Variants in ARHGAP24 observed in about 807,000 individuals in gnomAD.
ARHGAP24 encodes Rho GTPase activating protein 24, also known as rho GTPase-activating protein 24.
Under a neutral mutation model 76.4 loss-of-function variants are expected in ARHGAP24, and 50 were observed. The ratio of observed to expected loss-of-function variants is 0.65; its 90% CI spans 0.52 to 0.83. The LOEUF is 0.83. Among genes scored for constraint, ARHGAP24 ranks in the 40% least tolerant of loss-of-function variants. The pLI is 0.00. For synonymous variants in ARHGAP24, 345 were observed against 323.3 expected (o/e 1.07, Z -0.72); for missense variants, 930 against 914.2 (o/e 1.02, Z -0.22).
intron 3 of ARHGAP24, among the ~76,000 whole-genome samples, chr4:85,740,018 G>T (rs343853): frequency 0.86 from 131,410 of 152,032 alleles, 57,612 homozygotes; most frequent in East Asian, 1. Flanking sequence ...GTTCACGAAT[G>T]TCCACAGATT....
rs550462585 is a variant in ARHGAP24, at chr4:85,997,076, C to T, written c.2003+1419C>T. The stretch of plus-strand genomic sequence containing the variant: ...GCCATTTCAGTGTCACATTCTTACC[C>T]TCATGACAGGCCAAGGGAGAGCTCT... On this transcript the variant is annotated intron_variant, in intron 9 of 9. Coordinates refer to ENST00000395184, the MANE Select transcript of ARHGAP24 (RefSeq NM_001025616.3). 2.6e-5 allele frequency among the ~76,000 whole-genome samples: 4 copies of T among 152,272 alleles called. No individual in the cohort carries two copies. In the South Asian group the frequency reaches 8.3e-4, roughly 32 times the overall value.
At chr4:85,654,950 A>C (rs2109985127) in intron 2 of ARHGAP24, among the ~76,000 whole-genome samples, 1 of 152,340 alleles carries the variant, frequency 6.6e-6, no homozygotes, top group Admixed American at 6.5e-5. Context: ...AGTAGTGATT[A>C]AATTGAATAT....
At chr4:85,500,714 A>G (rs983984113) in intron 1 of ARHGAP24, among the ~76,000 whole-genome samples, 2 of 152,062 alleles carry the variant, frequency 1.3e-5, no homozygotes, top group Non-Finnish European at 2.9e-5. Flanking sequence ...GGGACTCATA[A>G]GACTTTTTTA....
intron 3 of ARHGAP24, among the ~76,000 whole-genome samples, chr4:85,745,411 A>T (rs1478685358): frequency 1.2e-4 from 4 of 34,382 alleles, no homozygotes; most frequent in African/African-American, 2.0e-4. Context: ...ATAGTAGTAT[A>T]TATACATATA....
chr4:85,905,330 C>T (rs554125673), intron 3 of ARHGAP24, among the ~76,000 whole-genome samples: 1 of 152,152 alleles, frequency 6.6e-6, no homozygotes, highest in East Asian at 1.9e-4. Flanking sequence ...TACATTATCC[C>T]ATTTATTACA....
chr4:85,865,154 T>C (rs1297280501), intron 3 of ARHGAP24, among the ~76,000 whole-genome samples: 1 of 152,110 alleles, frequency 6.6e-6, no homozygotes, highest in Non-Finnish European at 1.5e-5. Context: ...TCTTTTTTGT[T>C]GGATGTGTTT....
At chr4:85,546,830 G>A (rs773945571) in intron 1 of ARHGAP24, among the ~76,000 whole-genome samples, 1 of 152,064 alleles carries the variant, frequency 6.6e-6, no homozygotes, top group Non-Finnish European at 1.5e-5. Context: ...AAAGTTAGAG[G>A]AATAGTACTA....
intron 4 of ARHGAP24, chr4:85,930,688 A>G (rs923741022): frequency 8.4e-7 from 1 of 1,191,536 alleles, no homozygotes; most frequent in Non-Finnish European, 1.0e-6. Context: ...AAAAGAAAAA[A>G]AAAACCTTAA....
intron 3 of ARHGAP24, among the ~76,000 whole-genome samples, chr4:85,882,561 G>A (rs1733319564): frequency 6.6e-6 from 1 of 152,114 alleles, no homozygotes; most frequent in Admixed American, 6.5e-5. Flanking sequence ...TACAAAATGA[G>A]GAGCATGGGC....
At chr4:85,835,082 A>G (rs1194444366) in intron 3 of ARHGAP24, among the ~76,000 whole-genome samples, 1 of 152,018 alleles carries the variant, frequency 6.6e-6, no homozygotes, top group African/African-American at 2.4e-5. Context: ...TTTTCTGAGG[A>G]GTGTGTTTGA....
chr4:85,894,999 A>G (rs1734083118), intron 3 of ARHGAP24, among the ~76,000 whole-genome samples: 2 of 22,130 alleles, frequency 9.0e-5, no homozygotes, highest in Non-Finnish European at 1.8e-4. Flanking sequence ...CAAAACAAAA[A>G]GCAAAAAAAA....
In ARHGAP24 at chr4:85,731,044, CAT is replaced by C. The variant is rs567183452; in HGVS notation, c.268+9073_268+9074del. ...CACACACACAGAGAGAGAGACTGGG[CAT>C]GTGTGTGTGTGTATATATACATATA... On this transcript the variant is annotated intron_variant, in intron 3 of 9. Transcript: ENST00000395184. 3.8e-3 allele frequency among the ~76,000 whole-genome samples: 577 copies of C among 150,116 alleles called. 6 individuals are homozygous for C. Among genetic ancestry groups the C allele is most frequent in the South Asian group, 0.026 (121 of 4,728 alleles).
At chr4:85,784,648 T>A (rs1727722604) in intron 3 of ARHGAP24, among the ~76,000 whole-genome samples, 1 of 152,052 alleles carries the variant, frequency 6.6e-6, no homozygotes, top group Non-Finnish European at 1.5e-5. Flanking sequence ...GTCTATGGTA[T>A]TCCAGTGCTT....
At chr4:85,476,278 T>C (rs1330351881) in intron 1 of ARHGAP24, among the ~76,000 whole-genome samples, 18 of 152,048 alleles carry the variant, frequency 1.2e-4, no homozygotes, top group Non-Finnish European at 5.9e-5. Context: ...AGGGAGACAA[T>C]GTTACTCTGA....
chr4:85,505,075 T>C (rs1188925659), intron 1 of ARHGAP24, among the ~76,000 whole-genome samples: 2 of 152,204 alleles, frequency 1.3e-5, no homozygotes, highest in Non-Finnish European at 2.9e-5. Flanking sequence ...TTGTAGGGTT[T>C]CTGTGGAGAG....
At chr4:85,957,792 C>T (rs1230516644) in intron 5 of ARHGAP24, among the ~76,000 whole-genome samples, 1 of 152,172 alleles carries the variant, frequency 6.6e-6, no homozygotes, top group Non-Finnish European at 1.5e-5. Flanking sequence ...AAAAATATCT[C>T]ATATGTGAGA....
chr4:85,523,989 T>C (rs1387100605), intron 1 of ARHGAP24, among the ~76,000 whole-genome samples: 1 of 152,158 alleles, frequency 6.6e-6, no homozygotes, highest in Non-Finnish European at 1.5e-5. Flanking sequence ...GGGTTGGTCA[T>C]TTTCATATAG....
intron 3 of ARHGAP24, among the ~76,000 whole-genome samples, chr4:85,833,835 GC>G (rs1354997746): frequency 2.0e-5 from 3 of 152,318 alleles, no homozygotes; most frequent in African/African-American, 7.2e-5. Flanking sequence ...GTATTTATAA[GC>G]TCACTAGAAG....
intron 3 of ARHGAP24, among the ~76,000 whole-genome samples, chr4:85,886,707 A>G (rs993234941): frequency 6.6e-6 from 1 of 152,180 alleles, no homozygotes; most frequent in African/African-American, 2.4e-5. Context: ...ATGATGTCAT[A>G]AAGCATCTAA....
Sources: gnomAD v4.1 joint callset for allele counts (sites outside exome capture counted in the v4.1 genomes callset) on GRCh38, gnomAD v4.1.1 for gene constraint, MANE v1.5 for transcripts, NCBI Gene and HGNC (gene_info 2026-07-23, HGNC 2026-07-21) for gene names.